The following PRKN variants were observed in gnomAD, a reference collection of about 807,000 sequenced individuals.
PRKN encodes E3 ubiquitin-protein ligase parkin.
In PRKN, 56 loss-of-function variants were observed where a neutral mutation model predicts 59.5. The ratio of observed to expected loss-of-function variants is 0.94; its 90% CI spans 0.76 to 1.18. The LOEUF (loss-of-function observed/expected upper bound fraction) is 1.18. PRKN is among the 50% of genes most tolerant of loss of function. The probability of loss-of-function intolerance (pLI) is 0.00; values close to 1 mark genes in which losing one functional copy is unlikely to be tolerated. For missense variants in PRKN, 657 were observed against 596.4 expected (o/e 1.10, Z -1.06); for synonymous variants, 250 against 222.1 (o/e 1.13, Z -1.12).
intron 6 of PRKN, among the ~76,000 whole-genome samples, chr6:161,843,828 C>G (rs966627149): frequency 6.6e-6 from 1 of 152,104 alleles, no homozygotes; most frequent in Non-Finnish European, 1.5e-5. Context: ...TTCATTCATT[C>G]CATAGTACAG....
At chr6:162,548,564 G>A (rs753927821) in intron 1 of PRKN, among the ~76,000 whole-genome samples, 42 of 152,084 alleles carry the variant, frequency 2.8e-4, no homozygotes, top group Admixed American at 4.6e-4. Context: ...GCTTCATTTC[G>A]TTTGTAAATA....
At chr6:161,725,440 T>C (rs1787401354) in intron 7 of PRKN, among the ~76,000 whole-genome samples, 1 of 152,166 alleles carries the variant, frequency 6.6e-6, no homozygotes, top group East Asian at 1.9e-4. Flanking sequence ...ACCACCTAAA[T>C]ATTTCATTAG....
At chr6:161,594,753 G>A (rs1204750648) in intron 7 of PRKN, among the ~76,000 whole-genome samples, 6 of 151,954 alleles carry the variant, frequency 3.9e-5, no homozygotes, top group African/African-American at 1.5e-4. Flanking sequence ...AAAAACACTG[G>A]TTTTTTTATA....
intron 1 of PRKN, among the ~76,000 whole-genome samples, chr6:162,518,314 T>C (rs1466595546): frequency 1.3e-5 from 2 of 152,178 alleles, no homozygotes; most frequent in Non-Finnish European, 2.9e-5. Context: ...TACACACAAA[T>C]GCATACATTT....
chr6:161,511,918 T>G (rs907342383), intron 9 of PRKN, among the ~76,000 whole-genome samples: 1 of 152,182 alleles, frequency 6.6e-6, no homozygotes, highest in Non-Finnish European at 1.5e-5. Context: ...TTCCATTCAT[T>G]ACGATCCGCG....
intron 1 of PRKN, among the ~76,000 whole-genome samples, chr6:162,556,368 T>TGA (rs1779588757): frequency 1.0e-5 from 1 of 98,054 alleles, no homozygotes; most frequent in Non-Finnish European, 2.4e-5. Flanking sequence ...TGTGTGTGTG[T>TGA]GTGTGTGTGT....
chr6:162,115,360 C>T (rs1467844560), intron 4 of PRKN, among the ~76,000 whole-genome samples: 2 of 70,306 alleles, frequency 2.8e-5, no homozygotes, highest in African/African-American at 4.8e-5. Flanking sequence ...TGGGGGGAGG[C>T]GGGAGGGATA....
At chr6:161,387,826 G>C (rs914425670) in intron 9 of PRKN, among the ~76,000 whole-genome samples, 1 of 152,198 alleles carries the variant, frequency 6.6e-6, no homozygotes, top group Non-Finnish European at 1.5e-5. Flanking sequence ...GGAAGATGAG[G>C]TTGTTAGGGG....
intron 1 of PRKN, among the ~76,000 whole-genome samples, chr6:162,586,253 T>C (rs1781051143): frequency 6.6e-6 from 1 of 152,212 alleles, no homozygotes; most frequent in African/African-American, 2.4e-5. Context: ...CGTACCTCCT[T>C]CTAACTACGT....
chr6:162,444,542 T>G (rs1790217678), intron 1 of PRKN, among the ~76,000 whole-genome samples: 1 of 152,076 alleles, frequency 6.6e-6, no homozygotes. Context: ...CTTTTATTCA[T>G]GACCTCCCTC....
intron 6 of PRKN, among the ~76,000 whole-genome samples, chr6:161,814,683 G>A (rs1013620264): frequency 6.6e-6 from 1 of 152,072 alleles, no homozygotes; most frequent in African/African-American, 2.4e-5. Flanking sequence ...TGTATTTTTA[G>A]TAGAGACAGG....
chr6:162,560,524 A>C (rs1779790408), intron 1 of PRKN, among the ~76,000 whole-genome samples: 1 of 152,150 alleles, frequency 6.6e-6, no homozygotes, highest in South Asian at 2.1e-4. Flanking sequence ...TAAACATGGA[A>C]AAATCAAGTT....
intron 7 of PRKN, among the ~76,000 whole-genome samples, chr6:161,608,969 A>T (rs1279458683): frequency 3.9e-5 from 6 of 152,218 alleles, no homozygotes; most frequent in Non-Finnish European, 5.9e-5. Flanking sequence ...TTGCCTGCAC[A>T]TGCCCGTCAA....
In PRKN at chr6:161,348,174, G is replaced by C. The variant is rs763492565; in HGVS notation, c.*1925C>G. ...ACTGTGTGCTCCACGTGACAGAAGG[G>C]AGCCACCTGATTTGTCGCATCGGGC... On this transcript the variant is annotated 3_prime_UTR_variant, in exon 12 of 12. Transcript: ENST00000366898. This position sits in a 1 kb window ranked among gnomAD's most constrained non-coding sequence, Gnocchi z 4.9. The C allele has an allele frequency of 6.9e-5, 14 of 202,324 alleles. No homozygotes were observed. Among genetic ancestry groups the C allele is most frequent in the Non-Finnish European group, 1.4e-4 (14 of 98,540 alleles). The allele number at this position is 202,324 out of a possible 1,614,324, so 12.5% of individuals were successfully genotyped here. A position where few individuals can be genotyped will look rare whatever the true frequency, so the allele number is the denominator to read the frequency against.
intron 1 of PRKN, among the ~76,000 whole-genome samples, chr6:162,525,595 A>G (rs1287515173): frequency 6.6e-6 from 1 of 152,202 alleles, no homozygotes; most frequent in African/African-American, 2.4e-5. Context: ...ACTTATGGCC[A>G]ATACACTATT....
intron 4 of PRKN, among the ~76,000 whole-genome samples, chr6:162,076,552 T>G (rs1171151554): frequency 3.3e-5 from 5 of 152,082 alleles, no homozygotes; most frequent in African/African-American, 4.8e-5. Context: ...CATTCAGGCC[T>G]GTTTCTTTAT....
chr6:162,229,424 C>T (rs905761750), intron 3 of PRKN, among the ~76,000 whole-genome samples: 3 of 152,200 alleles, frequency 2.0e-5, no homozygotes, highest in African/African-American at 7.2e-5. Flanking sequence ...CCCACGCAAG[C>T]ACCTGCTCTT....
intron 7 of PRKN, among the ~76,000 whole-genome samples, chr6:161,710,202 AG>A (rs1030995983): frequency 3.3e-5 from 5 of 152,122 alleles, no homozygotes; most frequent in Non-Finnish European, 5.9e-5. Context: ...TTAAAAAAAA[AG>A]AACCTAGATA....
At chr6:162,336,739 C>T (rs980605322) in intron 2 of PRKN, among the ~76,000 whole-genome samples, 6 of 152,230 alleles carry the variant, frequency 3.9e-5, no homozygotes. Flanking sequence ...GACTTTACTA[C>T]ATCTACAAAA....
Sources: allele counts gnomAD v4.1 joint callset (sites outside exome capture counted in the v4.1 genomes callset), GRCh38; gene constraint gnomAD v4.1.1; non-coding constraint Gnocchi (gnomAD v3.1); transcripts MANE v1.5; gene names NCBI Gene and HGNC (gene_info 2026-07-23, HGNC 2026-07-21).